Variants in COMT observed in about 807,000 individuals in gnomAD.
COMT encodes catechol O-methyltransferase.
In COMT, 13 loss-of-function variants were observed where a neutral mutation model predicts 18.9. The ratio of observed to expected loss-of-function variants is 0.69; its 90% CI spans 0.45 to 1.09. The LOEUF is 1.09. COMT is among the 50% of genes least tolerant of loss of function. COMT has a pLI of 0.00. For synonymous variants in COMT, 150 were observed against 160.9 expected (o/e 0.93, Z 0.51); for missense variants, 329 against 361.8 (o/e 0.91, Z 0.73).
intron 1 of COMT, among the ~76,000 whole-genome samples, chr22:19,954,857 G>A (rs1942025668): frequency 6.6e-6 from 1 of 152,178 alleles, no homozygotes; most frequent in Non-Finnish European, 1.5e-5. Flanking sequence ...GTGTCACCGG[G>A]GTGAGAGGCT....
At chr22:19,955,486 T>A (rs1942038209) in intron 1 of COMT, among the ~76,000 whole-genome samples, 1 of 152,250 alleles carries the variant, frequency 6.6e-6, no homozygotes, top group South Asian at 2.1e-4. Flanking sequence ...AGGGCAGGGC[T>A]TCTTGCAGCA....
intron 1 of COMT, among the ~76,000 whole-genome samples, chr22:19,959,148 G>A (rs1942132735): frequency 6.6e-6 from 1 of 152,200 alleles, no homozygotes; most frequent in Non-Finnish European, 1.5e-5. Context: ...CAAACTAAAG[G>A]AGCTGTTCCT....
chr22:19,941,833 T>A lies in COMT; in HGVS notation c.-156T>A. The A allele has an allele frequency of 7.0e-7, 1 of 1,434,214 alleles. No individual in the cohort carries two copies. The highest frequency in any genetic ancestry group is 9.2e-7 in the Non-Finnish European group (1 of 1,092,896). 88.8% of individuals were successfully genotyped at this position (1,434,214 alleles called of 1,614,324 possible). ...GTGGGGCTTCTGGGGCAGCTAGGGC[T>A]GCCCGCCGCGCTGCCTGCGCCGGAC... On this transcript the variant is annotated 5_prime_UTR_variant, in exon 1 of 6. Coordinates refer to ENST00000361682, the MANE Select transcript of COMT (RefSeq NM_000754.4).
Position 19,944,610 on chromosome 22 carries a change from G to A in COMT, c.-92+2713G>A, listed in dbSNP as rs563519604. 3.4e-4 allele frequency among the ~76,000 whole-genome samples: 52 copies of A among 152,102 alleles called. 1 individual carries two copies. The highest frequency in any genetic ancestry group is 1.2e-3 in the African/African-American group (50 of 41,476). On this transcript the variant is annotated intron_variant, in intron 1 of 5. Transcript: ENST00000361682. ...GAGGCCGAGGCGGGTGGATCACGAGGTCAGGAGATCGAGACCATCCTGGCT... is the reference window on the plus strand; with the variant it reads ...GAGGCCGAGGCGGGTGGATCACGAGATCAGGAGATCGAGACCATCCTGGCT...
chr22:19,963,222 C>A (rs1942243378), intron 3 of COMT: 2 of 500,434 alleles, frequency 4.0e-6, no homozygotes, highest in African/African-American at 1.9e-5. Context: ...CCCCAGGGCC[C>A]CAAGGTGGGC....
chr22:19,967,419 A>G (rs1267356396), intron 5 of COMT: 2 of 470,320 alleles, frequency 4.3e-6, no homozygotes, highest in African/African-American at 2.0e-5. Flanking sequence ...AAATGAAAAC[A>G]CATCATGATT....
intron 1 of COMT, chr22:19,951,494 C>T (rs1457290683): frequency 3.3e-5 from 5 of 152,138 alleles, no homozygotes; most frequent in Non-Finnish European, 7.3e-5. Context: ...CAAATCAAAC[C>T]ATGTGACTCC....
chr22:19,966,805 C>T (rs1396063072), intron 5 of COMT, among the ~76,000 whole-genome samples: 3 of 152,114 alleles, frequency 2.0e-5, no homozygotes, highest in Non-Finnish European at 4.4e-5. Context: ...AGTGCAGTGG[C>T]GCGATCTTGG....
At chr22:19,943,043 G>A (rs1217008246) in intron 1 of COMT, among the ~76,000 whole-genome samples, 1 of 152,186 alleles carries the variant, frequency 6.6e-6, no homozygotes, top group African/African-American at 2.4e-5. Context: ...GAGGGGGCTA[G>A]GATCGTTCTG....
intron 1 of COMT, among the ~76,000 whole-genome samples, chr22:19,951,327 C>G (rs1278624053): frequency 7.1e-6 from 1 of 140,836 alleles, no homozygotes; most frequent in African/African-American, 2.6e-5. Flanking sequence ...CCACTGCACT[C>G]CAGCCTGGGC....
chr22:19,957,947 C>T (rs989717226), intron 1 of COMT, among the ~76,000 whole-genome samples: 9 of 152,088 alleles, frequency 5.9e-5, no homozygotes, highest in South Asian at 4.1e-4. Flanking sequence ...CAGGTGCTAA[C>T]GGATGGAAGG....
chr22:19,962,524 C>G lies in COMT; in HGVS notation c.1-3C>G. On this transcript the variant is annotated splice_region_variant and splice_polypyrimidine_tract_variant and intron_variant, in intron 2 of 5. Transcript: ENST00000361682. ...CTGGCGCCCCTCCCCTCCCGCCCTG[C>G]AGATGCCGGAGGCCCCGCCTCTGCT... 1.9e-6 allele frequency: 3 copies of G among 1,543,594 alleles called. No homozygotes were observed. Among genetic ancestry groups the G allele is most frequent in the Non-Finnish European group, 2.6e-6 (3 of 1,146,990 alleles).
Position 19,962,658 on chromosome 22 carries a change from G to T in COMT, c.132G>T (p.Gln44His). ...TCGGCTGGAACGAGTTCATCCTGCA[G>T]CCCATCCACAACCTGCTCATGGGTG... is the stretch of plus-strand genomic sequence containing the variant. ...CLIGWNEFIL[Q>H]PIHNLLMGDT... Residue 44 changes from glutamine (Q) to histidine (H), a missense_variant, in exon 3 of 6, where the codon CAG (glutamine) becomes CAT (histidine). By Grantham distance (24) the Gln-to-His change is conservative. Coordinates refer to ENST00000361682, the MANE Select transcript of COMT (RefSeq NM_000754.4). 3.7e-6 allele frequency: 6 copies of T among 1,611,700 alleles called. No homozygotes were observed. Among genetic ancestry groups the T allele is most frequent in the Non-Finnish European group, 5.1e-6 (6 of 1,179,416 alleles).
intron 1 of COMT, among the ~76,000 whole-genome samples, chr22:19,955,653 C>A (rs1380014877): frequency 6.6e-6 from 1 of 152,254 alleles, no homozygotes; most frequent in Non-Finnish European, 1.5e-5. Flanking sequence ...TGTTTGTCAT[C>A]ACGCCTGTGG....
intron 1 of COMT, among the ~76,000 whole-genome samples, chr22:19,958,187 C>T (rs1456560187): frequency 3.8e-5 from 5 of 131,292 alleles, no homozygotes; most frequent in Admixed American, 8.4e-5. Flanking sequence ...TTTTTTGAGA[C>T]GGGGTCTTGC....
At position 19,969,244 on chromosome 22, in the gene COMT, T is replaced by C. The variant is rs112696498; in HGVS notation, c.*508T>C. 1,976 of 155,992 alleles carry C rather than the reference T, an allele frequency of 0.013. 46 individuals are homozygous for C. The highest frequency in any genetic ancestry group is 0.044 in the African/African-American group (1,821 of 41,530). 9.7% of individuals were successfully genotyped at this position (155,992 alleles called of 1,614,324 possible). A position where few individuals can be genotyped will look rare whatever the true frequency, so the allele number is the denominator to read the frequency against. ...AGGCCAGGGGCACCTGTTAGCCCCA[T>C]GGGGACGACTGCCGGCCTGGGAAAC... is the stretch of plus-strand genomic sequence containing the variant. On this transcript the variant is annotated 3_prime_UTR_variant, in exon 6 of 6. Transcript: ENST00000361682.
At chr22:19,963,958 G>A (rs941997977) in intron 4 of COMT, 199 bp downstream of exon 4, 3 of 1,198,580 alleles carry the variant, frequency 2.5e-6, no homozygotes, top group Non-Finnish European at 3.6e-6. Flanking sequence ...ACAGCTCTGG[G>A]TAAACTGCCA....
intron 1 of COMT, among the ~76,000 whole-genome samples, chr22:19,942,166 C>T (rs576088937): frequency 1.3e-5 from 2 of 152,144 alleles, no homozygotes; most frequent in African/African-American, 2.4e-5. Flanking sequence ...ATGAGGGGCT[C>T]CAGATAGCGG....
chr22:19,962,750 T>C lies in COMT; in HGVS notation c.224T>C (p.Val75Ala), dbSNP rs773373201. ...GCGGAGCCCGGGAACGCACAGAGCG[T>C]GCTGGAGGCCATTGACACCTACTGC... ...QHAEPGNAQS[V>A]LEAIDTYCEQ... The change falls in exon 3 of 6, where the codon GTG becomes GCG. Residue 75 changes from valine to alanine, a missense_variant. Coordinates refer to ENST00000361682, the MANE Select transcript of COMT (RefSeq NM_000754.4). The C allele has an allele frequency of 6.8e-6, 11 of 1,613,214 alleles. No individual in the cohort carries two copies. The highest frequency in any genetic ancestry group is 7.6e-6 in the Non-Finnish European group (9 of 1,179,706).
Sources: allele counts gnomAD v4.1 joint callset (sites outside exome capture counted in the v4.1 genomes callset), GRCh38; gene constraint gnomAD v4.1.1; transcripts MANE v1.5; gene names NCBI Gene and HGNC (gene_info 2026-07-23, HGNC 2026-07-21).